The following ARB2A variants were observed in gnomAD, a reference collection of about 807,000 sequenced individuals.
ARB2A encodes cotranscriptional regulator ARB2A.
At chr5:93,687,248 G>T in the ARB2A span, among the ~76,000 whole-genome samples, 2 of 152,082 alleles carry the variant, frequency 1.3e-5, no homozygotes, top group African/African-American at 4.8e-5. Flanking sequence ...TTGATTTTTT[G>T]CAGAATAACA....
At chr5:93,992,369 T>A in the ARB2A span, among the ~76,000 whole-genome samples, 1 of 152,068 alleles carries the variant, frequency 6.6e-6, no homozygotes, top group Non-Finnish European at 1.5e-5. Flanking sequence ...TGAAGTGGCA[T>A]CATTTTCTAT....
chr5:93,841,038 C>G, the ARB2A span, among the ~76,000 whole-genome samples: 1 of 152,116 alleles, frequency 6.6e-6, no homozygotes, highest in Non-Finnish European at 1.5e-5. Context: ...CCACTGTACT[C>G]CTGGGAATGT....
the ARB2A span, among the ~76,000 whole-genome samples, chr5:94,006,485 T>C: frequency 1.3e-5 from 2 of 152,202 alleles, no homozygotes; most frequent in Non-Finnish European, 1.5e-5. Context: ...ATTCTGGATA[T>C]GATGTTGTAC....
chr5:93,750,983 ATTACT>A, the ARB2A span, among the ~76,000 whole-genome samples: 1 of 152,234 alleles, frequency 6.6e-6, no homozygotes, highest in African/African-American at 2.4e-5. Flanking sequence ...AAATGTTTAC[ATTACT>A]TTCTTAAAAC....
chr5:93,803,940 GGAGA>G, the ARB2A span, among the ~76,000 whole-genome samples: 1 of 151,870 alleles, frequency 6.6e-6, no homozygotes, highest in Non-Finnish European at 1.5e-5. Flanking sequence ...GTACACAGCC[GGAGA>G]GAAATAGTGA....
the ARB2A span, among the ~76,000 whole-genome samples, chr5:94,052,448 G>C: frequency 6.6e-6 from 1 of 152,122 alleles, no homozygotes; most frequent in African/African-American, 2.4e-5. Flanking sequence ...ATATTGGAAA[G>C]GAATATCCAC....
the ARB2A span, among the ~76,000 whole-genome samples, chr5:93,644,990 C>T: frequency 6.6e-6 from 1 of 152,144 alleles, no homozygotes; most frequent in Non-Finnish European, 1.5e-5. Context: ...GCTACGAACA[C>T]AAACCTATTG....
the ARB2A span, among the ~76,000 whole-genome samples, chr5:93,919,335 TTTAA>T: frequency 1.1e-4 from 16 of 152,110 alleles, no homozygotes; most frequent in Non-Finnish European, 2.2e-4. Flanking sequence ...AAATAATTTA[TTTAA>T]TTAAATTTAC....
At chr5:94,037,594 T>C in the ARB2A span, among the ~76,000 whole-genome samples, 1 of 152,110 alleles carries the variant, frequency 6.6e-6, no homozygotes. Flanking sequence ...ATAAATAATT[T>C]TATTCTCATT....
At chr5:93,620,606 A>C in the ARB2A span, 1 of 174,720 alleles carries the variant, frequency 5.7e-6, no homozygotes, top group South Asian at 2.0e-4. Context: ...AAGGAGGGGG[A>C]AGCAGCAGCG....
chr5:93,746,466 C>CT, the ARB2A span, among the ~76,000 whole-genome samples: 1 of 152,106 alleles, frequency 6.6e-6, no homozygotes, highest in Non-Finnish European at 1.5e-5. Flanking sequence ...AAAATAATTT[C>CT]TTTGATTTCT....
At chr5:93,744,359 C>T in the ARB2A span, among the ~76,000 whole-genome samples, 9 of 133,424 alleles carry the variant, frequency 6.7e-5, no homozygotes, top group South Asian at 2.5e-4. Context: ...TGCTTGAACC[C>T]GGGAGGCGGA....
the ARB2A span, among the ~76,000 whole-genome samples, chr5:93,957,646 A>G: frequency 6.6e-6 from 1 of 152,032 alleles, no homozygotes; most frequent in East Asian, 1.9e-4. Context: ...GGGAAAAAAA[A>G]ACATATAGTT....
At chr5:93,850,142 ATAAG>A in the ARB2A span, among the ~76,000 whole-genome samples, 2 of 152,200 alleles carry the variant, frequency 1.3e-5, no homozygotes, top group African/African-American at 4.8e-5. Flanking sequence ...TAATTTTTAT[ATAAG>A]TAACCACATA....
the ARB2A span, among the ~76,000 whole-genome samples, chr5:93,851,242 T>C: frequency 3.9e-5 from 6 of 152,314 alleles, no homozygotes; most frequent in Admixed American, 1.3e-4. Context: ...AATTATTTCA[T>C]TATTTCAGGG....
the ARB2A span, among the ~76,000 whole-genome samples, chr5:93,701,418 T>C: frequency 6.6e-6 from 1 of 152,188 alleles, no homozygotes; most frequent in African/African-American, 2.4e-5. Context: ...TAATAGGTTA[T>C]TGACTGATTT....
chr5:94,054,618 C>T, the ARB2A span, among the ~76,000 whole-genome samples: 124 of 152,094 alleles, frequency 8.2e-4, no homozygotes, highest in Non-Finnish European at 1.5e-3. Context: ...TCCACTATAA[C>T]GTTACTGTTT....
chr5:93,801,110 T>C, the ARB2A span, among the ~76,000 whole-genome samples: 2 of 152,156 alleles, frequency 1.3e-5, no homozygotes, highest in African/African-American at 4.8e-5. Flanking sequence ...GAATGCTTTC[T>C]CTCACTTGAT....
chr5:94,050,814 T>A, the ARB2A span: 2 of 1,611,664 alleles, frequency 1.2e-6, no homozygotes, highest in South Asian at 2.2e-5. Flanking sequence ...CCAGTTTTTA[T>A]GTGTCTTAAC....
Sources: allele counts gnomAD v4.1 joint callset (sites outside exome capture counted in the v4.1 genomes callset), GRCh38; gene constraint gnomAD v4.1.1; transcripts MANE v1.5; gene names NCBI Gene and HGNC (gene_info 2026-07-23, HGNC 2026-07-21).